Variants in THEMIS observed in about 807,000 individuals in gnomAD.
The protein encoded by THEMIS is thymocyte selection associated.
THEMIS carries 37 observed loss-of-function variants against 52.6 expected under a neutral mutation model. The observed-to-expected ratio is 0.70, with a 90% CI of 0.54 to 0.93. The LOEUF is 0.93. THEMIS is among the 40% of genes least tolerant of loss of function. The pLI is 0.00. For missense variants in THEMIS, 808 were observed against 763.1 expected, an observed-to-expected ratio of 1.06 and a Z score of -0.69; for synonymous variants, 292 against 272.7, an observed-to-expected ratio of 1.07 and a Z score of -0.70.
intron 4 of THEMIS, among the ~76,000 whole-genome samples, chr6:127,742,313 T>TAA (rs778252716): frequency 0.054 from 6,473 of 120,704 alleles, 208 homozygotes; most frequent in Non-Finnish European, 0.079. Context: ...AGACTCTGCT[T>TAA]AAAAAAAAAA....
chr6:127,855,240 A>G, intron 1 of THEMIS, 52 bp from the exon 2 acceptor site: 2 of 1,409,144 alleles, frequency 1.4e-6, no homozygotes, highest in Non-Finnish European at 1.9e-6. Flanking sequence ...ACAGTGAAAA[A>G]CAAAGTAGAC....
At chr6:127,781,129 A>G (rs1454800511) in intron 4 of THEMIS, among the ~76,000 whole-genome samples, 1 of 151,514 alleles carries the variant, frequency 6.6e-6, no homozygotes, top group Non-Finnish European at 1.5e-5. Flanking sequence ...CTTCAAGCTT[A>G]TTTCATTAAG....
the THEMIS span, among the ~76,000 whole-genome samples, chr6:127,701,789 G>T: frequency 6.6e-6 from 1 of 152,052 alleles, no homozygotes; most frequent in African/African-American, 2.4e-5. Context: ...CCTAAAGATT[G>T]CTGTGATTTT....
chr6:127,824,048 C>T (rs1459934492), intron 3 of THEMIS, among the ~76,000 whole-genome samples: 2 of 151,900 alleles, frequency 1.3e-5, no homozygotes, highest in African/African-American at 2.4e-5. Flanking sequence ...GACATAAGAC[C>T]CCTGGAAAGC....
At chr6:127,718,649 G>A (rs1028788336) in intron 5 of THEMIS, among the ~76,000 whole-genome samples, 14 of 151,948 alleles carry the variant, frequency 9.2e-5, no homozygotes, top group East Asian at 3.9e-4. Flanking sequence ...GACTCAATGC[G>A]CTGCAGCAAT....
intron 4 of THEMIS, among the ~76,000 whole-genome samples, chr6:127,740,220 A>T (rs1196232251): frequency 6.6e-6 from 1 of 152,110 alleles, no homozygotes; most frequent in Non-Finnish European, 1.5e-5. Flanking sequence ...GGAACAAAGG[A>T]CATTTAAAAT....
At chr6:127,765,037 C>A (rs1449900037) in intron 4 of THEMIS, among the ~76,000 whole-genome samples, 1 of 151,996 alleles carries the variant, frequency 6.6e-6, no homozygotes, top group Non-Finnish European at 1.5e-5. Context: ...TCCAGGGATA[C>A]CCGTTGAGAC....
chr6:127,909,550 A>T (rs1781359687), intron 1 of THEMIS, among the ~76,000 whole-genome samples: 1 of 152,130 alleles, frequency 6.6e-6, no homozygotes, highest in Admixed American at 6.6e-5. Context: ...GCCCTGTGGA[A>T]CTGTGAATCA....
intron 1 of THEMIS, among the ~76,000 whole-genome samples, chr6:127,871,742 C>T (rs1780162572): frequency 1.3e-5 from 2 of 152,116 alleles, no homozygotes; most frequent in African/African-American, 2.4e-5. Context: ...TATACTACTT[C>T]TCATCCAGTA....
At chr6:127,778,122 A>AT (rs1776625244) in intron 4 of THEMIS, among the ~76,000 whole-genome samples, 1 of 152,138 alleles carries the variant, frequency 6.6e-6, no homozygotes, top group East Asian at 1.9e-4. Flanking sequence ...TGCTGAAGGA[A>AT]TTTTTGAGCA....
chr6:127,853,222 A>C (rs1044242529), intron 2 of THEMIS, among the ~76,000 whole-genome samples: 2 of 151,682 alleles, frequency 1.3e-5, no homozygotes, highest in African/African-American at 4.8e-5. Context: ...AAAATGTGAT[A>C]AATGCAATGA....
intron 4 of THEMIS, among the ~76,000 whole-genome samples, chr6:127,747,724 A>G (rs1775499651): frequency 6.6e-6 from 1 of 152,056 alleles, no homozygotes; most frequent in African/African-American, 2.4e-5. Context: ...TAATGTTAGC[A>G]TCAAAAGAAG....
In THEMIS at chr6:127,718,240, G is replaced by T. The variant is rs555292985; in HGVS notation, c.1894+1448C>A. Among the ~76,000 whole-genome samples the T allele has an allele frequency of 1.6e-3, 246 of 151,914 alleles. 1 individual carries two copies. Among genetic ancestry groups the T allele is most frequent in the African/African-American group, 5.4e-3 (225 of 41,480 alleles). The stretch of plus-strand genomic sequence containing the variant: ...AAATATTGCCAAGATGTTCATACTG[G>T]GTAATTTCTAAATAAATGCATGTTA... On this transcript the variant is annotated intron_variant, in intron 5 of 5. Transcript: ENST00000368248.
chr6:127,720,779 T>C (rs1344201384), intron 4 of THEMIS, among the ~76,000 whole-genome samples: 4 of 152,044 alleles, frequency 2.6e-5, no homozygotes, highest in African/African-American at 9.7e-5. Flanking sequence ...AATTAGGCTT[T>C]AGAATGATTA....
At chr6:127,839,907 A>C (rs528587775) in intron 2 of THEMIS, among the ~76,000 whole-genome samples, 5 of 152,180 alleles carry the variant, frequency 3.3e-5, no homozygotes, top group African/African-American at 1.2e-4. Flanking sequence ...AGGATGTTGA[A>C]GATTTAAAAT....
intron 2 of THEMIS, among the ~76,000 whole-genome samples, chr6:127,833,133 T>C (rs1778756788): frequency 6.6e-6 from 1 of 151,968 alleles, no homozygotes; most frequent in African/African-American, 2.4e-5. Flanking sequence ...TAGGAGACAT[T>C]GTTCATTAAA....
downstream of THEMIS, among the ~76,000 whole-genome samples, chr6:127,705,482 C>T (rs757236204): frequency 6.6e-6 from 1 of 152,082 alleles, no homozygotes; most frequent in Non-Finnish European, 1.5e-5. Flanking sequence ...GGTGTTTGGC[C>T]CTCTCCCTGA....
At chr6:127,830,962 A>C (rs755874571) in intron 2 of THEMIS, among the ~76,000 whole-genome samples, 1 of 152,250 alleles carries the variant, frequency 6.6e-6, no homozygotes, top group African/African-American at 2.4e-5. Flanking sequence ...TGATTATAAA[A>C]CCCTTGTGGA....
intron 4 of THEMIS, among the ~76,000 whole-genome samples, chr6:127,810,067 T>C (rs1777849276): frequency 6.6e-6 from 1 of 151,888 alleles, no homozygotes; most frequent in African/African-American, 2.4e-5. Context: ...CATGTACAGG[T>C]TTAGTCAAAG....
Sources: gnomAD v4.1 joint callset for allele counts (sites outside exome capture counted in the v4.1 genomes callset) on GRCh38, gnomAD v4.1.1 for gene constraint, MANE v1.5 for transcripts, NCBI Gene and HGNC (gene_info 2026-07-23, HGNC 2026-07-21) for gene names.